Variants in PPP1R1C observed in about 807,000 individuals in gnomAD.
PPP1R1C encodes the protein protein phosphatase 1 regulatory inhibitor subunit 1C.
In PPP1R1C, 15 loss-of-function variants were observed where a neutral mutation model predicts 17.4. That is an observed-to-expected ratio of 0.86 (90% CI 0.58 to 1.33). The LOEUF (loss-of-function observed/expected upper bound fraction) is 1.33. Among genes scored for constraint, PPP1R1C ranks in the 40% most tolerant of loss-of-function variants. PPP1R1C has a pLI of 0.00. For synonymous variants in PPP1R1C, 35 were observed against 43.1 expected, an observed-to-expected ratio of 0.81 and a Z score of 0.73; for missense variants, 143 against 130.0, an observed-to-expected ratio of 1.10 and a Z score of -0.48.
At chr2:182,075,906 A>G (rs1001940378) in intron 4 of PPP1R1C, among the ~76,000 whole-genome samples, 4 of 152,130 alleles carry the variant, frequency 2.6e-5, no homozygotes, top group African/African-American at 7.2e-5. Context: ...TGTATCAAAA[A>G]TTGTCACTGG....
At position 182,117,598 on chromosome 2, in the gene PPP1R1C, T is replaced by C; in HGVS notation, c.*303T>C. On this transcript the variant is annotated 3_prime_UTR_variant, in exon 5 of 5. Coordinates refer to ENST00000682840, the MANE Select transcript of PPP1R1C (RefSeq NM_001080545.3). ...CTTTAATACTGCCAGAGCTTAATCC[T>C]TGATGTCCTACTGATAAGGTTTGCA... 1 of 250,728 alleles carries C rather than the reference T, an allele frequency of 4.0e-6. No homozygotes were observed. The highest frequency in any genetic ancestry group is 7.6e-6 in the Non-Finnish European group (1 of 131,974). The allele number at this position is 250,728 out of a possible 1,614,324, so 15.5% of individuals were successfully genotyped here. A position where few individuals can be genotyped will look rare whatever the true frequency, so the allele number is the denominator to read the frequency against.
At position 182,087,250 on chromosome 2, in the gene PPP1R1C, C is replaced by T. The variant is rs368466267; in HGVS notation, c.241+23459C>T. 2.6e-4 allele frequency among the ~76,000 whole-genome samples: 40 copies of T among 152,298 alleles called. No homozygotes were observed. In the South Asian group the frequency reaches 7.9e-3, roughly 30 times the overall value. The stretch of plus-strand genomic sequence containing the variant: ...CATCAGAGTGATTCTTTATAGTCCT[C>T]GTAATGCCTGCAAGGCCCAGGAGCT... On this transcript the variant is annotated intron_variant, in intron 4 of 4. Transcript: ENST00000682840.
At chr2:182,101,263 T>A (rs928178845) in intron 4 of PPP1R1C, among the ~76,000 whole-genome samples, 2 of 152,154 alleles carry the variant, frequency 1.3e-5, no homozygotes, top group African/African-American at 4.8e-5. Flanking sequence ...TTGTAAGGAG[T>A]TTGGATCTGA....
chr2:182,076,897 C>G (rs1688329733), intron 4 of PPP1R1C, among the ~76,000 whole-genome samples: 1 of 151,992 alleles, frequency 6.6e-6, no homozygotes, highest in African/African-American at 2.4e-5. Context: ...GATGTTGATC[C>G]CTGTATACTC....
upstream of PPP1R1C, among the ~76,000 whole-genome samples, chr2:181,984,743 C>T (rs1309862092): frequency 9.9e-5 from 15 of 152,126 alleles, no homozygotes; most frequent in Non-Finnish European, 2.1e-4. Flanking sequence ...TTGTAAATAC[C>T]TGGAATCATA....
rs528276010 is a variant in PPP1R1C at position 181,961,486 on chromosome 2, G to C, written n.111+6852G>C. The C allele has an allele frequency of 4.2e-5, 47 of 1,122,736 alleles. 1 individual carries two copies. The South Asian group carries it at 4.8e-4, about 11-fold the overall frequency. The allele number at this position is 1,122,736 out of a possible 1,614,324, so 69.5% of individuals were successfully genotyped here. On this transcript the variant is annotated intron_variant and non_coding_transcript_variant, in intron 1 of 5. Coordinates refer to the PPP1R1C transcript ENST00000464264. The surrounding 1 kb of genome is among the most constrained non-coding windows in gnomAD (Gnocchi z 5.8). ...CCTGTTGAGCTGCTCCATCTGCAGG[G>C]TGTAGCGGGCCTCCACCTCCCTCAG...
At chr2:182,018,204 T>G (rs1252183957) in intron 2 of PPP1R1C, among the ~76,000 whole-genome samples, 3 of 152,198 alleles carry the variant, frequency 2.0e-5, no homozygotes, top group African/African-American at 7.2e-5. Context: ...ATTGAGAGTA[T>G]AATTCCTAAG....
At chr2:182,026,802 G>T (rs1321551103) in intron 2 of PPP1R1C, among the ~76,000 whole-genome samples, 1 of 151,010 alleles carries the variant, frequency 6.6e-6, no homozygotes, top group Non-Finnish European at 1.5e-5. Flanking sequence ...ACCTTGGGCA[G>T]TATGGCCATT....
At chr2:182,103,945 G>A (rs557936175) in intron 4 of PPP1R1C, 114 of 152,210 alleles carry the variant, frequency 7.5e-4, no homozygotes, top group African/African-American at 2.3e-3. Flanking sequence ...TCACTGAGGG[G>A]ACCAAAATAC....
At chr2:182,107,463 T>G (rs1368636652) in intron 4 of PPP1R1C, among the ~76,000 whole-genome samples, 3 of 152,168 alleles carry the variant, frequency 2.0e-5, no homozygotes, top group African/African-American at 7.2e-5. Context: ...AGAAAAATGT[T>G]TATAAAAACA....
In PPP1R1C at chr2:182,079,568, G is replaced by A. The variant is rs1457159479; in HGVS notation, c.241+15777G>A. Among the ~76,000 whole-genome samples the A allele has an allele frequency of 7.9e-5, 12 of 152,312 alleles. No homozygotes were observed. The East Asian group carries it at 2.3e-3, about 29-fold the overall frequency. The stretch of plus-strand genomic sequence containing the variant: ...AGAGAGTGGGTTGGATGCCTCATCT[G>A]TGCTTCATTTTCTTTGCTTCTAAAA... On this transcript the variant is annotated intron_variant, in intron 4 of 4. Coordinates refer to ENST00000682840, the MANE Select transcript of PPP1R1C (RefSeq NM_001080545.3).
chr2:182,049,430 C>A (rs1213711021), intron 2 of PPP1R1C, among the ~76,000 whole-genome samples: 1 of 151,570 alleles, frequency 6.6e-6, no homozygotes, highest in Non-Finnish European at 1.5e-5. Context: ...ATTTTTTTCC[C>A]ACAAAATAGT....
intron 1 of PPP1R1C, among the ~76,000 whole-genome samples, chr2:181,963,146 A>G (rs1684839328): frequency 6.6e-6 from 1 of 152,240 alleles, no homozygotes; most frequent in Non-Finnish European, 1.5e-5. Flanking sequence ...TACAAACATT[A>G]TCTAACAATT....
At chr2:181,993,260 C>A (rs1030253915) in intron 2 of PPP1R1C, among the ~76,000 whole-genome samples, 5 of 152,196 alleles carry the variant, frequency 3.3e-5, no homozygotes, top group African/African-American at 1.2e-4. Context: ...GCATCACATG[C>A]ACAAAATCTC....
At chr2:182,092,491 A>T (rs1030075987) in intron 4 of PPP1R1C, among the ~76,000 whole-genome samples, 2 of 152,196 alleles carry the variant, frequency 1.3e-5, no homozygotes, top group Non-Finnish European at 2.9e-5. Context: ...CCTTCCCAAC[A>T]GTCTCCCAAA....
intron 4 of PPP1R1C, among the ~76,000 whole-genome samples, chr2:182,088,725 T>C (rs1052293753): frequency 3.4e-4 from 52 of 152,210 alleles, no homozygotes; most frequent in African/African-American, 1.1e-3. Context: ...CTATTTCTTT[T>C]TCTCTACTTC....
At chr2:181,996,405 T>A (rs1396270785) in intron 2 of PPP1R1C, among the ~76,000 whole-genome samples, 2 of 152,206 alleles carry the variant, frequency 1.3e-5, no homozygotes, top group Non-Finnish European at 2.9e-5. Flanking sequence ...ATTTCAGATC[T>A]TCCCTAATAC....
At chr2:182,008,096 TA>T (rs10651800) in intron 2 of PPP1R1C, among the ~76,000 whole-genome samples, 8 of 150,692 alleles carry the variant, frequency 5.3e-5, no homozygotes, top group South Asian at 2.1e-4. Flanking sequence ...AATAAAAAAA[TA>T]AAATAAAATG....
At chr2:182,122,681 A>G (rs1297556462), downstream of PPP1R1C, among the ~76,000 whole-genome samples, 1 of 152,134 alleles carries the variant, frequency 6.6e-6, no homozygotes, top group African/African-American at 2.4e-5. Flanking sequence ...GATGTGTGAG[A>G]TTTACTTTTA....
Sources: gnomAD v4.1 joint callset for allele counts (sites outside exome capture counted in the v4.1 genomes callset) on GRCh38, gnomAD v4.1.1 for gene constraint, Gnocchi (gnomAD v3.1) non-coding constraint, MANE v1.5 for transcripts, NCBI Gene and HGNC (gene_info 2026-07-23, HGNC 2026-07-21) for gene names.